LPA: variants seen among roughly 807,000 people sequenced by gnomAD.
LPA encodes lipoprotein(a).
A neutral mutation model predicts 197.9 loss-of-function variants in LPA; 199 were observed. The ratio of observed to expected loss-of-function variants is 1.01; its 90% CI spans 0.90 to 1.13. The LOEUF is 1.13. Ranked by LOEUF, LPA falls within the 50% of genes most tolerant of loss-of-function variation. LPA has a pLI of 0.00. For synonymous variants in LPA, 715 were observed against 639.5 expected (o/e 1.12, Z -1.78); for missense variants, 1,853 against 1,785.8 (o/e 1.04, Z -0.68).
intron 18 of LPA, among the ~76,000 whole-genome samples, chr6:160,603,725 G>T (rs1255956080): frequency 6.6e-6 from 1 of 152,292 alleles, no homozygotes. Flanking sequence ...ACTTGACTTT[G>T]TTGTTTACCT....
intron 26 of LPA, among the ~76,000 whole-genome samples, chr6:160,583,708 T>TCTCC (rs1438945104): frequency 3.3e-5 from 5 of 152,270 alleles, no homozygotes; most frequent in South Asian, 2.1e-4. Context: ...GAGCTCCTTT[T>TCTCC]CTCCACAAAT....
At position 160,577,225 on chromosome 6, in the gene LPA, G is replaced by A. The variant is rs933615662; in HGVS notation, c.4542C>T (p.Ser1514=). The change falls in exon 28 of 39, where the codon TCC becomes TCT. Residue 1514 remains serine, a synonymous_variant. Transcript: ENST00000316300. ...AGGTCCTTCCTGTGACAGTGGTGGA[G>A]GATATGCCTCGATAACTCCGTCCAT... ...HGDGRSYRGI[S]STTVTGRTCQ... is the part of the protein sequence containing the mutation. The A allele has an allele frequency of 7.4e-6, 12 of 1,613,770 alleles. 1 individual carries two copies. The South Asian group carries it at 8.8e-5, about 12-fold the overall frequency.
intron 2 of LPA, among the ~76,000 whole-genome samples, chr6:160,649,510 T>C (rs1481675136): frequency 6.6e-6 from 1 of 152,164 alleles, no homozygotes; most frequent in East Asian, 1.9e-4. Context: ...ATGTCCCTCC[T>C]CTGTTCAGCA....
chr6:160,587,176 G>A (rs1392227511), intron 24 of LPA, among the ~76,000 whole-genome samples: 2 of 152,186 alleles, frequency 1.3e-5, no homozygotes, highest in Non-Finnish European at 2.9e-5. Flanking sequence ...GGATGCTATA[G>A]CAATGGCATC....
intron 26 of LPA, among the ~76,000 whole-genome samples, chr6:160,584,517 A>G (rs1223987792): frequency 6.6e-6 from 1 of 151,618 alleles, no homozygotes; most frequent in Non-Finnish European, 1.5e-5. Flanking sequence ...TTTTTCGTAG[A>G]GATGGGGTTT....
At chr6:160,549,141 G>A (rs1418345617) in intron 30 of LPA, among the ~76,000 whole-genome samples, 1 of 152,120 alleles carries the variant, frequency 6.6e-6, no homozygotes, top group Non-Finnish European at 1.5e-5. Context: ...ACTGTCATGA[G>A]AACAGCCTGG....
chr6:160,600,693 C>T (rs962864591), intron 19 of LPA, among the ~76,000 whole-genome samples: 1 of 152,118 alleles, frequency 6.6e-6, no homozygotes, highest in African/African-American at 2.4e-5. Context: ...AGTCGAGCAC[C>T]CAGAATGGTT....
intron 26 of LPA, among the ~76,000 whole-genome samples, chr6:160,581,698 T>C (rs538486043): frequency 5.9e-5 from 9 of 152,322 alleles, no homozygotes; most frequent in African/African-American, 2.2e-4. Flanking sequence ...TTATTCTTTT[T>C]AAAGATTGTC....
Position 160,532,531 on chromosome 6 carries a change from C to A in LPA, c.5961G>T (p.Gln1987His). ...EHLARGTDSC[Q>H]GDSGGPLVCF... ...CTTTGATCTATTGATCTTTTCTTAC[C>A]TGGCAACTGTCAGTGCCTCTGGCCA... Residue 1987 changes from glutamine (Q) to histidine (H), a missense_variant and splice_region_variant, in exon 38 of 39, where the codon CAG becomes CAT. This residue lies in a region of LPA where 1,737 missense variants were observed against 1,504.4 expected (regional missense o/e 1.15). Transcript: ENST00000316300. The A allele has an allele frequency of 1.3e-6, 2 of 1,583,610 alleles. No individual in the cohort carries two copies. Among genetic ancestry groups the A allele is most frequent in the Non-Finnish European group, 1.7e-6 (2 of 1,152,370 alleles).
Position 160,606,588 on chromosome 6 carries a change from TGG to T in LPA, c.2672_2673del (p.Pro891GlnfsTer36), listed in dbSNP as rs780057160. 1 of 1,613,950 alleles carries T rather than the reference TGG, an allele frequency of 6.2e-7. No homozygotes were observed. The highest frequency in any genetic ancestry group is 1.7e-5 in the Admixed American group (1 of 60,020). On this transcript the variant is annotated frameshift_variant, in exon 17 of 39. Transcript: ENST00000316300. LOFTEE classifies it high-confidence loss of function. ...VAAPYCYTRD[P>X]SVRWEYCNLT... ...AGGTTGCAGTACTCCCACCTGACAC[TGG>T]GATCCCTCGTATAACAATAAGGGGC... is the stretch of plus-strand genomic sequence containing the variant.
At chr6:160,599,011 T>G (rs1779183714) in intron 20 of LPA, among the ~76,000 whole-genome samples, 1 of 152,206 alleles carries the variant, frequency 6.6e-6, no homozygotes, top group Admixed American at 6.5e-5. Context: ...TATATCCTTC[T>G]GCTTCCATAA....
chr6:160,591,491 T>C (rs964108652), intron 22 of LPA, among the ~76,000 whole-genome samples: 3 of 152,240 alleles, frequency 2.0e-5, no homozygotes, highest in African/African-American at 7.2e-5. Context: ...GCTATCTGTA[T>C]GTCTTTCTAT....
rs1218631977 is a variant in LPA, at chr6:160,606,660, T to C, written c.2604-2A>G. 5 of 1,613,840 alleles carry C rather than the reference T, an allele frequency of 3.1e-6. No individual in the cohort carries two copies. The highest frequency in any genetic ancestry group is 4.2e-6 in the Non-Finnish European group (5 of 1,179,912). Reference sequence around the variant, plus strand: ...CTGCAGTAGTTCATGATCAAGCCACTGGAAATTCCAAAACGATACACGTCA... The same window carrying C: ...CTGCAGTAGTTCATGATCAAGCCACCGGAAATTCCAAAACGATACACGTCA... On this transcript the variant is annotated splice_acceptor_variant, in intron 16 of 38. Coordinates refer to ENST00000316300, the MANE Select transcript of LPA (RefSeq NM_005577.4). LOFTEE classifies it high-confidence loss of function.
At position 160,548,552 on chromosome 6, in the gene LPA, G is replaced by A; in HGVS notation, c.5081C>T (p.Ser1694Leu). Residue 1694 changes from serine to leucine, a missense_variant, in exon 31 of 39, where the codon TCA becomes TTA. By Grantham distance (145) the Ser-to-Leu change is moderately radical. This residue lies in a region of LPA where 1,737 missense variants were observed against 1,504.4 expected (regional missense o/e 1.15). Transcript: ENST00000316300. ...AGCGACCACAGTCCCTTCTGTGTCT[G>A]AGCATCGCGTCAGGTTGCAGTACTC... ...RWEYCNLTRC[S>L]DTEGTVVAPP... 1.2e-6 allele frequency: 2 copies of A among 1,614,122 alleles called. No individual in the cohort carries two copies. The highest frequency in any genetic ancestry group is 1.7e-6 in the Non-Finnish European group (2 of 1,180,010).
intron 20 of LPA, among the ~76,000 whole-genome samples, chr6:160,595,777 A>G (rs1779121200): frequency 6.6e-6 from 1 of 152,234 alleles, no homozygotes; most frequent in African/African-American, 2.4e-5. Context: ...AATTGAGAGT[A>G]AACATCAATG....
chr6:160,604,565 C>A (rs1047214189), intron 18 of LPA, among the ~76,000 whole-genome samples: 8 of 152,044 alleles, frequency 5.3e-5, no homozygotes, highest in South Asian at 2.1e-4. Flanking sequence ...TGGTCAGAAC[C>A]GACTGTGTTT....
chr6:160,577,404 CT>C (rs1281150620), intron 27 of LPA, 109 bp from the exon 28 acceptor site: 1 of 976,586 alleles, frequency 1.0e-6, no homozygotes, highest in Non-Finnish European at 1.6e-6. Flanking sequence ...TATTACTATT[CT>C]TTTTTCTACT....
At chr6:160,658,874 T>TTATATA (rs997153544) in intron 1 of LPA, among the ~76,000 whole-genome samples, 1 of 134,254 alleles carries the variant, frequency 7.4e-6, no homozygotes, top group Non-Finnish European at 1.7e-5. Context: ...TAATAGGAGA[T>TTATATA]TATATATATA....
At chr6:160,574,043 C>G (rs1043338736) in intron 28 of LPA, among the ~76,000 whole-genome samples, 3 of 152,126 alleles carry the variant, frequency 2.0e-5, no homozygotes, top group African/African-American at 7.2e-5. Context: ...CGTGTCTGAG[C>G]TCAGACTTTC....
Sources: allele counts gnomAD v4.1 joint callset (sites outside exome capture counted in the v4.1 genomes callset), GRCh38; gene constraint gnomAD v4.1.1; regional missense constraint gnomAD v4.1.1; transcripts MANE v1.5; gene names NCBI Gene and HGNC (gene_info 2026-07-23, HGNC 2026-07-21).